Variants in CYRIA observed in about 807,000 individuals in gnomAD.
The protein encoded by CYRIA is CYFIP related Rac1 interactor A, also known as CYFIP-related Rac1 interactor A.
CYRIA carries 15 observed loss-of-function variants against 43.9 expected under a neutral mutation model. The ratio of observed to expected loss-of-function variants is 0.34; its 90% confidence interval spans 0.23 to 0.53. CYRIA has a LOEUF of 0.53. Ranked by LOEUF, CYRIA falls within the 20% of genes least tolerant of loss-of-function variation. The pLI is 0.94. For missense variants in CYRIA, 236 were observed against 394.2 expected (o/e 0.60, Z 3.40); for synonymous variants, 117 against 136.0 (o/e 0.86, Z 0.97).
At chr2:16,643,118 T>C (rs192611299) in intron 1 of CYRIA, among the ~76,000 whole-genome samples, 177 of 151,902 alleles carry the variant, frequency 1.2e-3, no homozygotes, top group African/African-American at 4.1e-3. Context: ...TTATTGTTAC[T>C]TTAACATTAT....
chr2:16,612,378 G>A (rs998798478), intron 2 of CYRIA, among the ~76,000 whole-genome samples: 1 of 151,402 alleles, frequency 6.6e-6, no homozygotes, highest in African/African-American at 2.4e-5. Context: ...GAGAAAAGGA[G>A]GAAAAAAGAG....
At chr2:16,632,142 G>T (rs568227160) in intron 1 of CYRIA, among the ~76,000 whole-genome samples, 75 of 152,346 alleles carry the variant, frequency 4.9e-4, no homozygotes, top group South Asian at 4.3e-3. Flanking sequence ...AGAAGCAGGA[G>T]ATCTGGGTTC....
chr2:16,567,632 CCTAAGA>C (rs1666987467), intron 3 of CYRIA, among the ~76,000 whole-genome samples: 1 of 151,978 alleles, frequency 6.6e-6, no homozygotes, highest in South Asian at 2.1e-4. Flanking sequence ...GGTCCTGCTG[CCTAAGA>C]CCTGAGAAAC....
chr2:16,578,398 T>C (rs1454563613), intron 3 of CYRIA, among the ~76,000 whole-genome samples: 1 of 151,992 alleles, frequency 6.6e-6, no homozygotes, highest in Admixed American at 6.6e-5. Context: ...ACCAGAAAAG[T>C]AAAGATTAAT....
At chr2:16,562,681 C>G (rs1405159512) in intron 5 of CYRIA, among the ~76,000 whole-genome samples, 1 of 152,134 alleles carries the variant, frequency 6.6e-6, no homozygotes, top group Non-Finnish European at 1.5e-5. Flanking sequence ...GTCTGTTTCT[C>G]TAAACAGTCC....
chr2:16,575,851 A>G lies in CYRIA; in HGVS notation c.71-10084T>C, dbSNP rs186317594. On this transcript the variant is annotated intron_variant, in intron 3 of 11. Coordinates refer to ENST00000381323, the MANE Select transcript of CYRIA (RefSeq NM_030797.4). ...CACCTGGGCCACAGAGCGAGACTCC[A>G]TCTCAAAAAAATAAAAATAAATAAA... is the stretch of plus-strand genomic sequence containing the variant. Among the ~76,000 whole-genome samples, 252 of 150,808 alleles carry G rather than the reference A, an allele frequency of 1.7e-3. 1 individual carries two copies. In the Middle Eastern group the frequency reaches 0.027, roughly 16 times the overall value.
intron 2 of CYRIA, among the ~76,000 whole-genome samples, chr2:16,601,711 C>CAAA (rs57235858): frequency 0.04 from 5,003 of 123,602 alleles, 298 homozygotes; most frequent in African/African-American, 0.13. Context: ...TTTCCAGTTT[C>CAAA]AAAAAAAAAA....
Position 16,614,314 on chromosome 2 carries a change from A to G in CYRIA, c.-11+9550T>C, listed in dbSNP as rs141976567. 4.0e-3 allele frequency among the ~76,000 whole-genome samples: 614 copies of G among 152,332 alleles called. 6 individuals are homozygous for G. Among genetic ancestry groups the G allele is most frequent in the African/African-American group, 0.014 (580 of 41,568 alleles). On this transcript the variant is annotated intron_variant, in intron 2 of 11. Coordinates refer to ENST00000381323, the MANE Select transcript of CYRIA (RefSeq NM_030797.4). Reference sequence around the variant, plus strand: ...TCTGCAATCCACAAGAGAAGGCAGCAAAGTCCTCATGGAACTTCCCTGTTT... The same window carrying G: ...TCTGCAATCCACAAGAGAAGGCAGCGAAGTCCTCATGGAACTTCCCTGTTT...
At chr2:16,651,800 C>T (rs1454214426) in intron 1 of CYRIA, among the ~76,000 whole-genome samples, 2 of 151,444 alleles carry the variant, frequency 1.3e-5, no homozygotes, top group Non-Finnish European at 2.9e-5. Flanking sequence ...TTTTAATTTC[C>T]CCATTTTAAA....
intron 3 of CYRIA, among the ~76,000 whole-genome samples, chr2:16,576,190 G>A (rs1228932264): frequency 6.6e-6 from 1 of 152,196 alleles, no homozygotes; most frequent in East Asian, 1.9e-4. Flanking sequence ...AGGACCTTAG[G>A]AGGGTGAGGA....
At chr2:16,558,021 T>C (rs1208679945) in intron 10 of CYRIA, among the ~76,000 whole-genome samples, 1 of 152,136 alleles carries the variant, frequency 6.6e-6, no homozygotes, top group African/African-American at 2.4e-5. Flanking sequence ...GTAAATGAAA[T>C]ATGTTTCAAA....
intron 1 of CYRIA, among the ~76,000 whole-genome samples, chr2:16,661,158 C>A (rs1034834949): frequency 2.3e-4 from 35 of 151,800 alleles, no homozygotes; most frequent in Admixed American, 7.2e-4. Flanking sequence ...ACCTGTGGTC[C>A]CAGCTACTCA....
chr2:16,568,124 C>A (rs543456940), intron 3 of CYRIA, among the ~76,000 whole-genome samples: 3 of 150,768 alleles, frequency 2.0e-5, no homozygotes, highest in Non-Finnish European at 2.9e-5. Flanking sequence ...TTTAAATGCC[C>A]ACATGGTGCA....
At chr2:16,665,489 G>C (rs541548161) in intron 1 of CYRIA, among the ~76,000 whole-genome samples, 7 of 151,956 alleles carry the variant, frequency 4.6e-5, no homozygotes, top group Admixed American at 4.6e-4. Context: ...AGTGAGGGAC[G>C]AGGGAGGGTG....
intron 3 of CYRIA, among the ~76,000 whole-genome samples, chr2:16,568,839 C>T (rs1667035282): frequency 6.6e-6 from 1 of 152,138 alleles, no homozygotes; most frequent in African/African-American, 2.4e-5. Flanking sequence ...CAGCGGTCAC[C>T]TGGCTCCACC....
chr2:16,611,883 T>C (rs1668615572), intron 2 of CYRIA, among the ~76,000 whole-genome samples: 2 of 152,198 alleles, frequency 1.3e-5, no homozygotes, highest in East Asian at 3.9e-4. Context: ...CTCCCAGTCT[T>C]CTGGTTATGT....
At chr2:16,561,616 T>C (rs1666736671) in intron 6 of CYRIA, 83 bp from the exon 7 acceptor site, 1 of 1,053,548 alleles carries the variant, frequency 9.5e-7, no homozygotes, top group Non-Finnish European at 1.5e-6. Context: ...GACACTAGAT[T>C]TTATAAATAC....
At chr2:16,633,624 G>T (rs1669404052) in intron 1 of CYRIA, among the ~76,000 whole-genome samples, 1 of 126,822 alleles carries the variant, frequency 7.9e-6, no homozygotes, top group African/African-American at 3.1e-5. Flanking sequence ...CAAACTATCT[G>T]CCAGTCTCAG....
intron 3 of CYRIA, among the ~76,000 whole-genome samples, chr2:16,572,479 C>G (rs1353162431): frequency 3.3e-5 from 5 of 152,210 alleles, no homozygotes; most frequent in African/African-American, 1.2e-4. Context: ...CCAAGATTAT[C>G]AAGCCTCCTC....
Sources: allele counts gnomAD v4.1 joint callset (sites outside exome capture counted in the v4.1 genomes callset), GRCh38; gene constraint gnomAD v4.1.1; transcripts MANE v1.5; gene names NCBI Gene and HGNC (gene_info 2026-07-23, HGNC 2026-07-21).